Variants in ZGRF1 observed in about 807,000 individuals in gnomAD.
ZGRF1 encodes zinc finger GRF-type containing 1.
In ZGRF1, 196 loss-of-function variants were observed where a neutral mutation model predicts 203.5. The ratio of observed to expected loss-of-function variants is 0.96; its 90% CI spans 0.86 to 1.08. The LOEUF is 1.08. Ranked by LOEUF, ZGRF1 falls within the 50% of genes least tolerant of loss-of-function variation. The pLI is 0.00. For missense variants in ZGRF1, 2,326 were observed against 2,416.3 expected (o/e 0.96, Z 0.78); for synonymous variants, 809 against 841.3 (o/e 0.96, Z 0.66).
chr4:112,567,552 G>A (rs955194764), intron 16 of ZGRF1, among the ~76,000 whole-genome samples: 4 of 152,126 alleles, frequency 2.6e-5, no homozygotes, highest in Non-Finnish European at 5.9e-5. Flanking sequence ...TGACAGAATT[G>A]CTTGAGCCCC....
chr4:112,634,753 G>T (rs995593535), intron 1 of ZGRF1, among the ~76,000 whole-genome samples: 1 of 152,120 alleles, frequency 6.6e-6, no homozygotes, highest in Non-Finnish European at 1.5e-5. Flanking sequence ...AATAGGTAAG[G>T]GGTATGCAAA....
At chr4:112,614,211 T>G (rs1035937040) in intron 6 of ZGRF1, among the ~76,000 whole-genome samples, 2 of 152,224 alleles carry the variant, frequency 1.3e-5, no homozygotes, top group African/African-American at 4.8e-5. Flanking sequence ...TTCAATCTTC[T>G]CAAACTGTCT....
chr4:112,587,691 A>T lies in ZGRF1; in HGVS notation c.3366T>A (p.Phe1122Leu). 6.2e-7 allele frequency: 1 copy of T among 1,609,652 alleles called. No individual in the cohort carries two copies. Among genetic ancestry groups the T allele is most frequent in the Non-Finnish European group, 8.5e-7 (1 of 1,177,474 alleles). ...SIEPEDQNET[F>L]FSEESREVNP... ...TCACTTCCCTAGATTCTTCAGAGAA[A>T]AAGGTTTCATTTTGGTCCTCAGGCT... is the stretch of plus-strand genomic sequence containing the variant. The change falls in exon 12 of 28, where the codon TTT (phenylalanine) becomes TTA (leucine). Residue 1122 changes from phenylalanine (F) to leucine (L), a missense_variant. Coordinates refer to ENST00000505019, the MANE Select transcript of ZGRF1 (RefSeq NM_018392.5).
chr4:112,552,562 T>C (rs1395465502), intron 22 of ZGRF1, among the ~76,000 whole-genome samples: 5 of 152,180 alleles, frequency 3.3e-5, no homozygotes, highest in African/African-American at 1.2e-4. Context: ...TTTGTATTAA[T>C]TGAACACAGC....
intron 16 of ZGRF1, among the ~76,000 whole-genome samples, chr4:112,579,911 G>A (rs1281100803): frequency 2.5e-5 from 3 of 122,242 alleles, no homozygotes; most frequent in African/African-American, 8.5e-5. Flanking sequence ...TCACAGAATT[G>A]GAAAAAACTA....
Position 112,553,893 on chromosome 4 carries a change from T to TA in ZGRF1, c.5287dup (p.Tyr1763LeufsTer7). Reference sequence around the variant, plus strand: ...ATGCTGCTCAATGCTTTTTCTCACATAGACTCTTTCCGTAGGAGTCAGGTC... The same window carrying TA: ...ATGCTGCTCAATGCTTTTTCTCACATAAGACTCTTTCCGTAGGAGTCAGGTC... On this transcript the variant is annotated frameshift_variant, in exon 22 of 28. Transcript: ENST00000505019. LOFTEE classifies it high-confidence loss of function. 1 of 1,613,760 alleles carries TA rather than the reference T, an allele frequency of 6.2e-7. No individual in the cohort carries two copies. Among genetic ancestry groups the TA allele is most frequent in the South Asian group, 1.1e-5 (1 of 91,038 alleles).
At position 112,581,682 on chromosome 4, in the gene ZGRF1, T is replaced by G. The variant is rs1746286925; in HGVS notation, c.4419A>C (p.Arg1473Ser). ...ACTTACTTTTGCTATAAGCTGAAGATCTTTCCTTCCGACTTAGCTTAAGAT... is the reference window on the plus strand; with the variant it reads ...ACTTACTTTTGCTATAAGCTGAAGAGCTTTCCTTCCGACTTAGCTTAAGAT... The part of the protein sequence containing the change: ...KLYLKLSRKE[R>S]SSAYSKNDLW... Residue 1473 changes from arginine (R) to serine (S), a missense_variant, in exon 16 of 28, where the codon AGA becomes AGC. By Grantham distance (110) the Arg-to-Ser change is moderately radical. Transcript: ENST00000505019. The G allele has an allele frequency of 1.3e-6, 2 of 1,580,806 alleles. No individual in the cohort carries two copies. The highest frequency in any genetic ancestry group is 1.4e-5 in the African/African-American group (1 of 72,846).
chr4:112,621,192 G>C (rs182042730), intron 4 of ZGRF1, among the ~76,000 whole-genome samples: 1 of 152,114 alleles, frequency 6.6e-6, no homozygotes, highest in East Asian at 1.9e-4. Context: ...TCAAAAATTA[G>C]AGTTATTACC....
chr4:112,617,938 T>G lies in ZGRF1; in HGVS notation c.2104A>C (p.Ser702Arg), dbSNP rs1020157162. The change falls in exon 6 of 28, where the codon AGT becomes CGT. Residue 702 changes from serine to arginine, a missense_variant. Transcript: ENST00000505019. Reference protein sequence around the residue: ...PHIQNQIAENSNLFSEDAQPQ... With the variant: ...PHIQNQIAENRNLFSEDAQPQ... The stretch of plus-strand genomic sequence containing the variant: ...TGAGCATCTTCTGAAAATAGATTAC[T>G]GTTTTCAGCAATCTGGTTTTGAATA... 1.2e-6 allele frequency: 2 copies of G among 1,613,568 alleles called. No homozygotes were observed. The highest frequency in any genetic ancestry group is 3.3e-5 in the Admixed American group (2 of 60,016).
chr4:112,576,550 T>G (rs1417765075), intron 16 of ZGRF1, among the ~76,000 whole-genome samples: 3 of 151,894 alleles, frequency 2.0e-5, no homozygotes, highest in Non-Finnish European at 2.9e-5. Context: ...GACGAATGGC[T>G]AACAAGAATA....
intron 13 of ZGRF1, 107 bp downstream of exon 13, chr4:112,586,338 A>C (rs1747176613): frequency 1.3e-6 from 1 of 789,878 alleles, no homozygotes. Context: ...CATATGAAAA[A>C]TAAGGTATTT....
At position 112,592,028 on chromosome 4, in the gene ZGRF1, A is replaced by G. The variant is rs1748246364; in HGVS notation, c.2977-2154T>C. Among the ~76,000 whole-genome samples, 3 of 152,236 alleles carry G rather than the reference A, an allele frequency of 2.0e-5. 1 individual carries two copies. In the South Asian group the frequency reaches 6.2e-4, roughly 32 times the overall value. On this transcript the variant is annotated intron_variant, in intron 10 of 27. Coordinates refer to ENST00000505019, the MANE Select transcript of ZGRF1 (RefSeq NM_018392.5). ...ATATTTGTCAAATGAGTGACTGATT[A>G]AATAAATACACTCATTTTAAGGAGT... is the stretch of plus-strand genomic sequence containing the variant.
chr4:112,631,941 A>G lies in ZGRF1; in HGVS notation c.91T>C (p.Leu31=). The G allele has an allele frequency of 6.3e-7, 1 of 1,594,520 alleles. No individual in the cohort carries two copies. Residue 31 remains leucine (L), a synonymous_variant, in exon 3 of 28, where the codon TTA becomes CTA. Coordinates refer to ENST00000505019, the MANE Select transcript of ZGRF1 (RefSeq NM_018392.5). The part of the protein sequence containing the change: ...WQDGILKITH[L]GNKAILYDDK... ...TGCTTTGTACTCACTTTGTTTCCTA[A>G]GTGAGTGATCTTCAGAATTCCATCT...
intron 14 of ZGRF1, among the ~76,000 whole-genome samples, chr4:112,585,176 G>A (rs559199071): frequency 4.6e-5 from 7 of 152,196 alleles, no homozygotes; most frequent in Admixed American, 1.3e-4. Context: ...AGGCCAAGGC[G>A]GGAGGATGGC....
chr4:112,633,267 T>G (rs2047472422), intron 1 of ZGRF1, 25 bp from the exon 2 acceptor site: 1 of 1,052,204 alleles, frequency 9.5e-7, no homozygotes, highest in Non-Finnish European at 1.4e-6. Context: ...GACATAAAAT[T>G]TCAACCCTGA....
intron 10 of ZGRF1, among the ~76,000 whole-genome samples, chr4:112,592,977 GA>G (rs897141071): frequency 8.5e-5 from 13 of 152,164 alleles, no homozygotes; most frequent in Non-Finnish European, 1.9e-4. Flanking sequence ...ATGCACACAA[GA>G]AAAGGACATG....
intron 10 of ZGRF1, among the ~76,000 whole-genome samples, chr4:112,590,371 C>T (rs567634340): frequency 2.6e-5 from 4 of 152,300 alleles, no homozygotes; most frequent in African/African-American, 9.6e-5. Flanking sequence ...CTTGTTAGAA[C>T]AGCATTTAAT....
intron 26 of ZGRF1, 49 bp downstream of exon 26, chr4:112,540,772 T>C: frequency 7.0e-7 from 1 of 1,427,026 alleles, no homozygotes; most frequent in Non-Finnish European, 9.5e-7. Flanking sequence ...TGGTAATATG[T>C]AATTGTAATA....
chr4:112,597,392 T>C (rs983730850), intron 10 of ZGRF1, among the ~76,000 whole-genome samples: 1 of 151,572 alleles, frequency 6.6e-6, no homozygotes, highest in Admixed American at 6.6e-5. Context: ...GGTGTGGTGG[T>C]GTGCATCTGT....
Sources: gnomAD v4.1 joint callset for allele counts (sites outside exome capture counted in the v4.1 genomes callset) on GRCh38, gnomAD v4.1.1 for gene constraint, MANE v1.5 for transcripts, NCBI Gene and HGNC (gene_info 2026-07-23, HGNC 2026-07-21) for gene names.